The following EPB41 variants were observed in gnomAD, a reference collection of about 807,000 sequenced individuals.
The protein encoded by EPB41 is erythrocyte membrane protein band 4.1.
In EPB41, 65 loss-of-function variants were observed where a neutral mutation model predicts 108.0. The observed-to-expected ratio is 0.60, with a 90% confidence interval of 0.49 to 0.74. EPB41 has a LOEUF of 0.74. Ranked by LOEUF, EPB41 falls within the 30% of genes least tolerant of loss-of-function variation. The pLI, the probability that EPB41 is intolerant of heterozygous loss-of-function variation, is 0.00. For synonymous variants in EPB41, 336 were observed against 358.9 expected (o/e 0.94, Z 0.72); for missense variants, 875 against 1,037.0 (o/e 0.84, Z 2.15).
chr1:29,111,166 C>CAA (rs1313702265), intron 18 of EPB41, among the ~76,000 whole-genome samples: 10 of 108,736 alleles, frequency 9.2e-5, no homozygotes, highest in African/African-American at 3.1e-4. Flanking sequence ...GACTCCATCT[C>CAA]AAAAAAAAAA....
At chr1:28,982,163 C>G (rs549028987) in intron 1 of EPB41, 1 of 314,222 alleles carries the variant, frequency 3.2e-6, no homozygotes, top group Non-Finnish European at 6.2e-6. Context: ...TTTGTCCTTG[C>G]GATAGTTTGC....
At chr1:28,888,201 AAGGAGG>A (rs2089671246) in intron 1 of EPB41, among the ~76,000 whole-genome samples, 1 of 152,220 alleles carries the variant, frequency 6.6e-6, no homozygotes, top group Non-Finnish European at 1.5e-5. Context: ...TTTCCTCCAG[AAGGAGG>A]AGGCTTGGAC....
At chr1:28,984,142 C>G (rs886939029) in intron 1 of EPB41, among the ~76,000 whole-genome samples, 1 of 152,108 alleles carries the variant, frequency 6.6e-6, no homozygotes, top group African/African-American at 2.4e-5. Flanking sequence ...TCTCCAACAT[C>G]CAGCTGTTTC....
At position 28,993,398 on chromosome 1, in the gene EPB41, C is replaced by T; in HGVS notation, c.537C>T (p.Cys179=). The part of the protein sequence containing the change: ...EIKEGEGLEE[C]SKIEVKEESP... ...AGGAAGGAGAAGGACTTGAAGAGTG[C>T]TCCAAAATAGAAGTAAAAGAAGAAA... Residue 179 remains cysteine (C), a synonymous_variant, in exon 3 of 21, where the codon TGC becomes TGT. Transcript: ENST00000343067. 1 of 1,613,810 alleles carries T rather than the reference C, an allele frequency of 6.2e-7. No individual in the cohort carries two copies. Among genetic ancestry groups the T allele is most frequent in the South Asian group, 1.1e-5 (1 of 91,070 alleles).
Position 29,077,563 on chromosome 1 carries a change from C to T in EPB41, c.2184+12405C>T, listed in dbSNP as rs955033142. Reference sequence around the variant, plus strand: ...ATTTATGTTTATCTAAAATACATTGCAGAGAGCAATTTGACACTTTTTCTT... The same window carrying T: ...ATTTATGTTTATCTAAAATACATTGTAGAGAGCAATTTGACACTTTTTCTT... On this transcript the variant is annotated intron_variant, in intron 16 of 20. Transcript: ENST00000343067. 3.3e-5 allele frequency among the ~76,000 whole-genome samples: 5 copies of T among 152,100 alleles called. No individual in the cohort carries two copies. The South Asian group carries it at 1.0e-3, about 32-fold the overall frequency.
intron 16 of EPB41, among the ~76,000 whole-genome samples, chr1:29,073,613 CTT>C (rs1351684777): frequency 6.6e-6 from 1 of 152,162 alleles, no homozygotes; most frequent in African/African-American, 2.4e-5. Flanking sequence ...TTATCCTTCT[CTT>C]AATAAATTCA....
chr1:29,049,447 C>T (rs1252121948), intron 11 of EPB41, among the ~76,000 whole-genome samples: 2 of 152,142 alleles, frequency 1.3e-5, no homozygotes, highest in Admixed American at 6.6e-5. Flanking sequence ...ACCTTTGGAG[C>T]TTTAAAACAA....
chr1:28,994,818 C>T (rs923117061), intron 3 of EPB41, among the ~76,000 whole-genome samples: 4 of 150,922 alleles, frequency 2.7e-5, no homozygotes, highest in Non-Finnish European at 4.4e-5. Flanking sequence ...ACCATCACAC[C>T]TGGCTAATTT....
intron 2 of EPB41, among the ~76,000 whole-genome samples, chr1:28,990,464 A>G (rs1201610826): frequency 6.7e-6 from 1 of 150,292 alleles, no homozygotes; most frequent in Non-Finnish European, 1.5e-5. Flanking sequence ...TCTGTCACCC[A>G]GACTAGAATA....
intron 1 of EPB41, among the ~76,000 whole-genome samples, chr1:28,967,367 C>T (rs1288652557): frequency 6.6e-6 from 1 of 152,038 alleles, no homozygotes; most frequent in Non-Finnish European, 1.5e-5. Flanking sequence ...CCAGGTACCT[C>T]ATTTAAAAGA....
chr1:28,932,646 T>A (rs575594669), intron 1 of EPB41, among the ~76,000 whole-genome samples: 1 of 152,314 alleles, frequency 6.6e-6, no homozygotes, highest in Non-Finnish European at 1.5e-5. Context: ...GATATTCTTG[T>A]TTTGTCAGGC....
intron 16 of EPB41, among the ~76,000 whole-genome samples, chr1:29,085,083 G>A (rs891055380): frequency 1.3e-5 from 2 of 151,398 alleles, no homozygotes; most frequent in Non-Finnish European, 2.9e-5. Flanking sequence ...TCAATCTATA[G>A]TGTATATCAC....
chr1:28,889,708 G>T, intron 1 of EPB41: 2 of 601,166 alleles, frequency 3.3e-6, no homozygotes, highest in East Asian at 1.4e-4. Context: ...GACAGAGGCT[G>T]GGGTGGTGGG....
chr1:28,951,188 C>T (rs1425878126), intron 1 of EPB41, among the ~76,000 whole-genome samples: 1 of 152,064 alleles, frequency 6.6e-6, no homozygotes, highest in African/African-American at 2.4e-5. Context: ...CTTCAATTTA[C>T]CAAGGATGGT....
intron 11 of EPB41, among the ~76,000 whole-genome samples, chr1:29,050,326 A>G (rs1278254989): frequency 6.6e-6 from 1 of 152,264 alleles, no homozygotes; most frequent in East Asian, 1.9e-4. Context: ...TGCTGAAGAC[A>G]TAAATCATTT....
intron 16 of EPB41, among the ~76,000 whole-genome samples, chr1:29,079,250 G>A (rs1304434418): frequency 6.6e-6 from 1 of 151,976 alleles, no homozygotes; most frequent in Non-Finnish European, 1.5e-5. Flanking sequence ...GCCCGCCTCA[G>A]TCTCCCAAAG....
intron 1 of EPB41, among the ~76,000 whole-genome samples, chr1:28,905,928 C>T (rs1435065075): frequency 6.6e-6 from 1 of 151,718 alleles, no homozygotes; most frequent in Non-Finnish European, 1.5e-5. Context: ...AGTGATTCTC[C>T]TGCCTCAGCC....
intron 4 of EPB41, among the ~76,000 whole-genome samples, chr1:29,000,903 G>A (rs181853231): frequency 6.6e-6 from 1 of 152,134 alleles, no homozygotes; most frequent in East Asian, 1.9e-4. Flanking sequence ...AGCATGGAAG[G>A]GAAAGTAGGA....
intron 1 of EPB41, among the ~76,000 whole-genome samples, chr1:28,955,382 G>A (rs368333653): frequency 2.7e-5 from 4 of 150,518 alleles, no homozygotes; most frequent in Non-Finnish European, 3.0e-5. Flanking sequence ...TTACTTTGTC[G>A]CCAGGCTGGA....
Sources: allele counts gnomAD v4.1 joint callset (sites outside exome capture counted in the v4.1 genomes callset), GRCh38; gene constraint gnomAD v4.1.1; transcripts MANE v1.5; gene names NCBI Gene and HGNC (gene_info 2026-07-23, HGNC 2026-07-21).